CDKAL1: variants seen among roughly 807,000 people sequenced by gnomAD.
CDKAL1 encodes the protein threonylcarbamoyladenosine tRNA methylthiotransferase.
Under a neutral mutation model 68.2 loss-of-function variants are expected in CDKAL1, and 32 were observed. That is an observed-to-expected ratio of 0.47 (90% CI 0.35 to 0.63). The LOEUF is 0.63. Among genes scored for constraint, CDKAL1 ranks in the 30% least tolerant of loss-of-function variants. CDKAL1 has a pLI of 0.00. For missense variants in CDKAL1, 606 were observed against 696.7 expected, an observed-to-expected ratio of 0.87 and a Z score of 1.47; for synonymous variants, 234 against 244.3, an observed-to-expected ratio of 0.96 and a Z score of 0.39.
At chr6:20,712,135 A>G (rs1771873792) in intron 5 of CDKAL1, among the ~76,000 whole-genome samples, 1 of 152,156 alleles carries the variant, frequency 6.6e-6, no homozygotes, top group African/African-American at 2.4e-5. Flanking sequence ...CTGAGTTGGC[A>G]AACAAAAGTG....
intron 7 of CDKAL1, among the ~76,000 whole-genome samples, chr6:20,769,642 C>A (rs1023037726): frequency 6.6e-6 from 1 of 152,114 alleles, no homozygotes; most frequent in Admixed American, 6.5e-5. Flanking sequence ...ACTTTAACTT[C>A]TAGTGTTTGA....
intron 9 of CDKAL1, among the ~76,000 whole-genome samples, chr6:20,908,596 T>A (rs1561875845): frequency 6.6e-6 from 1 of 152,088 alleles, no homozygotes; most frequent in Non-Finnish European, 1.5e-5. Context: ...TTATAAAAAT[T>A]AAAAAAATAC....
chr6:21,047,182 C>G (rs1752149966), intron 11 of CDKAL1, among the ~76,000 whole-genome samples: 1 of 151,724 alleles, frequency 6.6e-6, no homozygotes, highest in Non-Finnish European at 1.5e-5. Flanking sequence ...TCATGAGTAG[C>G]TAGGACTACA....
intron 12 of CDKAL1, among the ~76,000 whole-genome samples, chr6:21,073,589 C>T (rs956525494): frequency 6.6e-6 from 1 of 152,152 alleles, no homozygotes; most frequent in Admixed American, 6.5e-5. Flanking sequence ...TTGTAATTCA[C>T]TAATGACATA....
chr6:21,213,624 A>G (rs1484068463), intron 15 of CDKAL1, among the ~76,000 whole-genome samples: 1 of 152,176 alleles, frequency 6.6e-6, no homozygotes, highest in Non-Finnish European at 1.5e-5. Flanking sequence ...CAAAGCATCT[A>G]TGGTGTAAGA....
chr6:20,616,610 G>C (rs1169480411), intron 4 of CDKAL1, among the ~76,000 whole-genome samples: 1 of 148,490 alleles, frequency 6.7e-6, no homozygotes, highest in Admixed American at 6.8e-5. Flanking sequence ...AAGAATGCTT[G>C]TGATTTTTGT....
intron 13 of CDKAL1, among the ~76,000 whole-genome samples, chr6:21,138,422 A>G (rs894610035): frequency 2.0e-5 from 3 of 152,250 alleles, no homozygotes; most frequent in Non-Finnish European, 4.4e-5. Flanking sequence ...TATATCAGAA[A>G]GAGTAAGTGC....
At chr6:20,982,728 G>A (rs150195537) in intron 10 of CDKAL1, among the ~76,000 whole-genome samples, 2,896 of 151,986 alleles carry the variant, frequency 0.019, 42 homozygotes, top group Admixed American at 0.035. Flanking sequence ...AAAAGGGTAA[G>A]TTAGATTTTT....
intron 4 of CDKAL1, among the ~76,000 whole-genome samples, chr6:20,568,501 G>A (rs539132756): frequency 2.2e-4 from 34 of 151,924 alleles, no homozygotes; most frequent in Non-Finnish European, 4.1e-4. Context: ...TTGGGAGGCC[G>A]AGGCGGGCGG....
intron 8 of CDKAL1, among the ~76,000 whole-genome samples, chr6:20,819,303 T>G (rs1482157905): frequency 6.6e-6 from 1 of 152,116 alleles, no homozygotes; most frequent in Non-Finnish European, 1.5e-5. Context: ...TTAGCTGAGT[T>G]TTACGCAACC....
chr6:20,853,332 G>C (rs905950500), intron 9 of CDKAL1, among the ~76,000 whole-genome samples: 2 of 149,756 alleles, frequency 1.3e-5, no homozygotes, highest in African/African-American at 5.0e-5. Context: ...AGTGAGCCAA[G>C]ATCGTGCCAC....
At chr6:20,713,645 T>C (rs2127833464) in intron 5 of CDKAL1, among the ~76,000 whole-genome samples, 1 of 152,184 alleles carries the variant, frequency 6.6e-6, no homozygotes, top group East Asian at 1.9e-4. Flanking sequence ...TCATACACTG[T>C]ACAATGAAAA....
intron 12 of CDKAL1, among the ~76,000 whole-genome samples, chr6:21,076,061 A>T (rs1562010820): frequency 6.6e-6 from 1 of 152,196 alleles, no homozygotes; most frequent in Non-Finnish European, 1.5e-5. Context: ...AAAGAATCAT[A>T]GTTCACTTAC....
chr6:21,050,919 G>A (rs1019385169), intron 11 of CDKAL1, among the ~76,000 whole-genome samples: 3 of 152,128 alleles, frequency 2.0e-5, no homozygotes, highest in Non-Finnish European at 4.4e-5. Flanking sequence ...TCTCTGTAAA[G>A]GCCAGAAATG....
At chr6:20,734,911 C>T (rs1437310107) in intron 5 of CDKAL1, among the ~76,000 whole-genome samples, 1 of 137,164 alleles carries the variant, frequency 7.3e-6, no homozygotes, top group Admixed American at 8.2e-5. Flanking sequence ...ACTGTGTTGC[C>T]TGAGCTGGAG....
At chr6:20,583,704 G>A (rs1366068178) in intron 4 of CDKAL1, among the ~76,000 whole-genome samples, 1 of 151,634 alleles carries the variant, frequency 6.6e-6, no homozygotes, top group Non-Finnish European at 1.5e-5. Flanking sequence ...AGCTATAGGA[G>A]TATGAATGGT....
chr6:21,026,540 AAAT>A (rs1768970483), intron 11 of CDKAL1, among the ~76,000 whole-genome samples: 1 of 152,164 alleles, frequency 6.6e-6, no homozygotes. Context: ...TTACAATTTT[AAAT>A]AATTATACAG....
chr6:21,047,421 C>T (rs1770301812), intron 11 of CDKAL1, among the ~76,000 whole-genome samples: 1 of 152,084 alleles, frequency 6.6e-6, no homozygotes, highest in African/African-American at 2.4e-5. Flanking sequence ...ACCTCTAGGA[C>T]GTAAAGGAAA....
intron 14 of CDKAL1, among the ~76,000 whole-genome samples, chr6:21,199,029 A>G (rs915968343): frequency 6.6e-6 from 1 of 152,180 alleles, no homozygotes; most frequent in Non-Finnish European, 1.5e-5. Flanking sequence ...ATTTTCACTG[A>G]TCATTCTGGA....
Sources: gnomAD v4.1 joint callset for allele counts (sites outside exome capture counted in the v4.1 genomes callset) on GRCh38, gnomAD v4.1.1 for gene constraint, MANE v1.5 for transcripts, NCBI Gene and HGNC (gene_info 2026-07-23, HGNC 2026-07-21) for gene names.